The following PCDHGB1 variants were observed in gnomAD, a reference collection of about 807,000 sequenced individuals.
PCDHGB1 encodes the protein protocadherin gamma subfamily B, 1, also known as protocadherin gamma-B1.
Under a neutral mutation model 56.6 loss-of-function variants are expected in PCDHGB1, and 34 were observed. That is an observed-to-expected ratio of 0.60 (90% CI 0.46 to 0.80). The LOEUF (loss-of-function observed/expected upper bound fraction) is 0.80. Among genes scored for constraint, PCDHGB1 ranks in the 30% least tolerant of loss-of-function variants. The pLI is 0.00. For missense variants in PCDHGB1, 1,278 were observed against 1,204.6 expected, an observed-to-expected ratio of 1.06 and a Z score of -0.90; for synonymous variants, 561 against 505.9, an observed-to-expected ratio of 1.11 and a Z score of -1.46.
intron 1 of PCDHGB1, chr5:141,413,141 G>A: frequency 1.3e-6 from 2 of 1,564,906 alleles, no homozygotes; most frequent in Non-Finnish European, 1.7e-6. Context: ...AACGTGTCCA[G>A]TGAGGACTTT....
chr5:141,385,481 G>A, intron 1 of PCDHGB1: 8 of 1,422,472 alleles, frequency 5.6e-6, no homozygotes, highest in Non-Finnish European at 6.4e-6. Context: ...CTTTAATATA[G>A]AACACATAGG....
chr5:141,374,511 T>C (rs1235970803), intron 1 of PCDHGB1: 45 of 1,611,794 alleles, frequency 2.8e-5, no homozygotes, highest in Non-Finnish European at 3.7e-5. Context: ...GTGAAAATTC[T>C]CGAAAACGCA....
chr5:141,400,027 G>A, intron 1 of PCDHGB1: 20 of 1,612,664 alleles, frequency 1.2e-5, no homozygotes, highest in Non-Finnish European at 1.7e-5. Flanking sequence ...CAGGGACGCG[G>A]CCCGCCAGCG....
intron 1 of PCDHGB1, chr5:141,404,997 C>A (rs2154535986): frequency 6.2e-7 from 1 of 1,614,034 alleles, no homozygotes; most frequent in East Asian, 2.2e-5. Context: ...CAGATCCCTG[C>A]AGACCTGGAG....
intron 1 of PCDHGB1, among the ~76,000 whole-genome samples, chr5:141,483,302 C>G (rs1262756268): frequency 2.0e-5 from 3 of 152,012 alleles, no homozygotes; most frequent in Admixed American, 6.5e-5. Context: ...AGTGAAGGGA[C>G]TGGGGACATT....
At chr5:141,413,841 T>C (rs1481867404) in intron 1 of PCDHGB1, 1 of 1,613,060 alleles carries the variant, frequency 6.2e-7, no homozygotes, top group Admixed American at 1.7e-5. Context: ...CCGACGGGGG[T>C]GACCCTCTCC....
intron 1 of PCDHGB1, among the ~76,000 whole-genome samples, chr5:141,449,561 C>T (rs777459619): frequency 2.7e-4 from 39 of 147,008 alleles, no homozygotes; most frequent in Non-Finnish European, 4.6e-4. Flanking sequence ...TGCACTCCAG[C>T]CTGGGCGACA....
At position 141,364,322 on chromosome 5, in the gene PCDHGB1, G is replaced by A. The variant is rs572334298; in HGVS notation, c.2409+11653G>A. The A allele has an allele frequency of 2.6e-6, 4 of 1,527,038 alleles. No homozygotes were observed. In the Admixed American group the frequency reaches 6.7e-5, roughly 26 times the overall value. The allele number at this position is 1,527,038 out of a possible 1,614,324, so 94.6% of individuals were successfully genotyped here. On this transcript the variant is annotated intron_variant, in intron 1 of 3. Transcript: ENST00000523390. ...CAGAACTAAGAGAAAATTGGGCAGAGAGAAGGCAATGGCGAGTCCACCTAG... is the reference window on the plus strand; with the variant it reads ...CAGAACTAAGAGAAAATTGGGCAGAAAGAAGGCAATGGCGAGTCCACCTAG...
At chr5:141,383,916 T>A in intron 1 of PCDHGB1, 1 of 1,613,968 alleles carries the variant, frequency 6.2e-7, no homozygotes, top group Non-Finnish European at 8.5e-7. Context: ...CAGTTTTAGA[T>A]GTAAATGATA....
At chr5:141,461,893 G>A (rs2099025951) in intron 1 of PCDHGB1, among the ~76,000 whole-genome samples, 1 of 151,772 alleles carries the variant, frequency 6.6e-6, no homozygotes, top group African/African-American at 2.4e-5. Context: ...GCACGATCTC[G>A]GCTCACTGCA....
intron 1 of PCDHGB1, among the ~76,000 whole-genome samples, chr5:141,406,298 T>G (rs2154537368): frequency 6.6e-6 from 1 of 152,178 alleles, no homozygotes; most frequent in East Asian, 1.9e-4. Flanking sequence ...GGGTGAGGTG[T>G]GAACCACCTC....
At chr5:141,427,889 G>C in intron 1 of PCDHGB1, 1 of 1,566,516 alleles carries the variant, frequency 6.4e-7, no homozygotes, top group South Asian at 1.1e-5. Flanking sequence ...CCCACGACCA[G>C]GGCTCGCCCG....
At chr5:141,479,366 T>A (rs2099494042) in intron 1 of PCDHGB1, 1 of 152,302 alleles carries the variant, frequency 6.6e-6, no homozygotes, top group Non-Finnish European at 1.5e-5. Flanking sequence ...GTGCCTGAGG[T>A]GGGAGGATTG....
rs118080774 is a variant in PCDHGB1, at chr5:141,422,026, G to A, written c.2409+69357G>A. On this transcript the variant is annotated intron_variant, in intron 1 of 3. Coordinates refer to ENST00000523390, the MANE Select transcript of PCDHGB1 (RefSeq NM_018922.3). ...CGGAACTCGGGTGCTGATGGTTAAT[G>A]CAACGGATCCAGACGAGGGAATCAA... 69 of 1,611,394 alleles carry A rather than the reference G, an allele frequency of 4.3e-5. No individual in the cohort carries two copies. The East Asian group carries it at 1.4e-3, about 32-fold the overall frequency.
intron 1 of PCDHGB1, chr5:141,415,772 T>TA (rs763083459): frequency 1.1e-5 from 15 of 1,332,970 alleles, no homozygotes; most frequent in Non-Finnish European, 1.3e-5. Flanking sequence ...TTTTTTTTTT[T>TA]ACTTTCTGGT....
chr5:141,401,290 C>G (rs1460193254), intron 1 of PCDHGB1, among the ~76,000 whole-genome samples: 1 of 151,710 alleles, frequency 6.6e-6, no homozygotes, highest in South Asian at 2.1e-4. Context: ...TGCGGTGAGC[C>G]GAGATCACTC....
At chr5:141,407,534 A>T (rs72790039) in intron 1 of PCDHGB1, among the ~76,000 whole-genome samples, 1 of 149,478 alleles carries the variant, frequency 6.7e-6, no homozygotes, top group Non-Finnish European at 1.5e-5. Flanking sequence ...CTTATTGTGC[A>T]TTGGTAACAG....
chr5:141,415,007 G>C, intron 1 of PCDHGB1: 1 of 1,613,654 alleles, frequency 6.2e-7, no homozygotes, highest in Non-Finnish European at 8.5e-7. Context: ...CTGTCCTACC[G>C]TCTGCTCAAG....
chr5:141,371,825 G>A (rs1239561889), intron 1 of PCDHGB1: 1 of 1,613,792 alleles, frequency 6.2e-7, no homozygotes, highest in Non-Finnish European at 8.5e-7. Context: ...TCAGAGCCTC[G>A]GATCCCGACT....
Sources: allele counts gnomAD v4.1 joint callset (sites outside exome capture counted in the v4.1 genomes callset), GRCh38; gene constraint gnomAD v4.1.1; transcripts MANE v1.5; gene names NCBI Gene and HGNC (gene_info 2026-07-23, HGNC 2026-07-21).